Variants in CPXM2 observed in about 807,000 individuals in gnomAD.
The protein encoded by CPXM2 is inactive carboxypeptidase-like protein X2.
Under a neutral mutation model 86.1 loss-of-function variants are expected in CPXM2, and 66 were observed. The observed-to-expected ratio is 0.77, with a 90% CI of 0.63 to 0.94. The LOEUF (loss-of-function observed/expected upper bound fraction) is 0.94. Among genes scored for constraint, CPXM2 ranks in the 40% least tolerant of loss-of-function variants. CPXM2 has a pLI of 0.00. For synonymous variants in CPXM2, 388 were observed against 400.2 expected (o/e 0.97, Z 0.36); for missense variants, 948 against 1,026.3 (o/e 0.92, Z 1.04).
Position 123,780,173 on chromosome 10 carries a change from C to T in CPXM2, c.972G>A (p.Met324Ile), listed in dbSNP as rs1227859179. 6.3e-7 allele frequency: 1 copy of T among 1,598,280 alleles called. No individual in the cohort carries two copies. The highest frequency in any genetic ancestry group is 1.7e-5 in the Admixed American group (1 of 60,004). Residue 324 changes from methionine to isoleucine, a missense_variant, in exon 7 of 14, where the codon ATG becomes ATA. Physicochemically the swap from Met to Ile is conservative, Grantham distance 10. Transcript: ENST00000241305. ...TTTGTGATCTGGGTCTTACCTGGCG[C>T]ATTTCCTTATAATTGTGGTGCTTAA... ...LDFKHHNYKE[M>I]RQLMKVVNEM...
At chr10:123,801,070 C>A (rs1207450694) in intron 4 of CPXM2, among the ~76,000 whole-genome samples, 2 of 152,188 alleles carry the variant, frequency 1.3e-5, no homozygotes, top group African/African-American at 2.4e-5. Context: ...GGGTGTCCCA[C>A]CTTCCCTTCC....
At chr10:123,940,881 A>G (rs1945768844), upstream of CPXM2, among the ~76,000 whole-genome samples, 1 of 152,136 alleles carries the variant, frequency 6.6e-6, no homozygotes, top group Non-Finnish European at 1.5e-5. Context: ...GCTTAAAACA[A>G]TGGAAATGGG....
intron 3 of CPXM2, among the ~76,000 whole-genome samples, chr10:123,857,506 T>C (rs2134185838): frequency 6.6e-6 from 1 of 151,862 alleles, no homozygotes; most frequent in East Asian, 1.9e-4. Context: ...GGATTTGATC[T>C]GAAAAGGAAA....
chr10:123,912,174 G>T (rs1013197255), intron 2 of CPXM2, among the ~76,000 whole-genome samples: 1 of 152,004 alleles, frequency 6.6e-6, no homozygotes, highest in Admixed American at 6.5e-5. Flanking sequence ...TTTTCTCTTA[G>T]GAGCCTGCCT....
chr10:123,941,554 G>T (rs931418501), upstream of CPXM2, among the ~76,000 whole-genome samples: 60 of 152,246 alleles, frequency 3.9e-4, no homozygotes, highest in Admixed American at 1.1e-3. Flanking sequence ...GTCACATTCA[G>T]AGGTCCTAGA....
chr10:123,855,602 G>C (rs893806143), intron 3 of CPXM2, among the ~76,000 whole-genome samples: 1 of 152,182 alleles, frequency 6.6e-6, no homozygotes, highest in South Asian at 2.1e-4. Flanking sequence ...AGGGAGACAC[G>C]TACAGGACGT....
intron 4 of CPXM2, among the ~76,000 whole-genome samples, chr10:123,819,766 G>A (rs1182728000): frequency 2.0e-5 from 3 of 152,190 alleles, no homozygotes; most frequent in Non-Finnish European, 4.4e-5. Context: ...CAGGAGATGT[G>A]TATGGGTTCA....
chr10:123,822,453 A>C (rs1847947399), intron 4 of CPXM2, among the ~76,000 whole-genome samples: 2 of 152,154 alleles, frequency 1.3e-5, no homozygotes, highest in African/African-American at 4.8e-5. Context: ...TAGAGATTGC[A>C]TACTAACTAT....
At chr10:123,853,776 G>A (rs1310703496) in intron 3 of CPXM2, among the ~76,000 whole-genome samples, 3 of 152,044 alleles carry the variant, frequency 2.0e-5, no homozygotes, top group East Asian at 1.9e-4. Context: ...ATGGTGGCAC[G>A]TGCCTGTAAT....
intron 1 of CPXM2, among the ~76,000 whole-genome samples, chr10:123,882,043 G>C (rs1945101222): frequency 6.6e-6 from 1 of 152,238 alleles, no homozygotes; most frequent in Non-Finnish European, 1.5e-5. Flanking sequence ...TTAGCTGGTG[G>C]ATTCTGCCAA....
At chr10:123,891,961 G>C (rs1363637046), upstream of CPXM2, 1 of 152,090 alleles carries the variant, frequency 6.6e-6, no homozygotes, top group Non-Finnish European at 1.5e-5. The surrounding 1 kb of genome is among the most constrained non-coding windows in gnomAD (Gnocchi z 5.6). Flanking sequence ...GGTGTTCCAA[G>C]CAGCCAAGCC....
chr10:123,802,174 C>T (rs180803319), intron 4 of CPXM2, among the ~76,000 whole-genome samples: 1 of 152,320 alleles, frequency 6.6e-6, no homozygotes, highest in East Asian at 1.9e-4. Flanking sequence ...GGAACTTCCT[C>T]TGCCAGGCAG....
upstream of CPXM2, among the ~76,000 whole-genome samples, chr10:123,942,101 T>C (rs1423047925): frequency 6.6e-6 from 1 of 152,230 alleles, no homozygotes; most frequent in Non-Finnish European, 1.5e-5. Flanking sequence ...CTTAGAGTAA[T>C]GCAAATGGCT....
At chr10:123,875,049 G>T (rs116210416) in intron 2 of CPXM2, among the ~76,000 whole-genome samples, 6 of 152,194 alleles carry the variant, frequency 3.9e-5, no homozygotes, top group African/African-American at 1.4e-4. Flanking sequence ...CTCATGTAGT[G>T]TTCAAAAACA....
intron 2 of CPXM2, among the ~76,000 whole-genome samples, chr10:123,918,618 G>A (rs1313472788): frequency 6.6e-6 from 1 of 152,078 alleles, no homozygotes; most frequent in African/African-American, 2.4e-5. Context: ...AAATCAGAAG[G>A]GCAGCTCTTG....
chr10:123,760,075 A>G (rs1846298956), intron 11 of CPXM2, among the ~76,000 whole-genome samples: 1 of 152,204 alleles, frequency 6.6e-6, no homozygotes, highest in African/African-American at 2.4e-5. Context: ...ATGATTAAAA[A>G]GGCTCAAGCT....
intron 2 of CPXM2, among the ~76,000 whole-genome samples, chr10:123,917,663 T>C (rs151005867): frequency 2.2e-4 from 34 of 152,300 alleles, no homozygotes; most frequent in Non-Finnish European, 3.5e-4. Flanking sequence ...AAGTAGCAAG[T>C]TGATGATTCA....
chr10:123,822,573 C>T (rs1847950886), intron 4 of CPXM2, among the ~76,000 whole-genome samples: 1 of 151,888 alleles, frequency 6.6e-6, no homozygotes, highest in Admixed American at 6.6e-5. Context: ...GGGGGAGGCA[C>T]TTCTCGGGAG....
intron 6 of CPXM2, among the ~76,000 whole-genome samples, chr10:123,781,251 G>T (rs2134029856): frequency 6.6e-6 from 1 of 152,318 alleles, no homozygotes; most frequent in Admixed American, 6.5e-5. Context: ...GGGGGTCAGG[G>T]AGGCAATGTC....
Sources: allele counts gnomAD v4.1 joint callset (sites outside exome capture counted in the v4.1 genomes callset), GRCh38; gene constraint gnomAD v4.1.1; non-coding constraint Gnocchi (gnomAD v3.1); transcripts MANE v1.5; gene names NCBI Gene and HGNC (gene_info 2026-07-23, HGNC 2026-07-21).